ARL15: variants seen among roughly 807,000 people sequenced by gnomAD.
The protein encoded by ARL15 is ARF like GTPase 15.
ARL15 carries 19 observed loss-of-function variants against 25.2 expected under a neutral mutation model. The observed-to-expected ratio is 0.75, with a 90% CI of 0.53 to 1.10. ARL15 has a LOEUF of 1.10. Ranked by LOEUF, ARL15 falls within the 50% of genes least tolerant of loss-of-function variation. The pLI is 0.00. For synonymous variants in ARL15, 94 were observed against 86.8 expected (o/e 1.08, Z -0.46); for missense variants, 220 against 246.0 (o/e 0.89, Z 0.71).
intron 4 of ARL15, 25 bp downstream of exon 4, chr5:54,113,177 G>C: frequency 2.5e-6 from 4 of 1,608,214 alleles, no homozygotes; most frequent in African/African-American, 1.3e-5. Context: ...GGAAGACAAA[G>C]AGTTGTCATG....
intron 1 of ARL15, among the ~76,000 whole-genome samples, chr5:54,224,877 G>C (rs142676298): frequency 7.6e-4 from 116 of 152,302 alleles, no homozygotes; most frequent in African/African-American, 2.7e-3. Flanking sequence ...AATATGTGCA[G>C]TTAATGTACA....
At chr5:54,250,116 A>AG (rs1174100967) in intron 1 of ARL15, among the ~76,000 whole-genome samples, 1 of 152,174 alleles carries the variant, frequency 6.6e-6, no homozygotes, top group Non-Finnish European at 1.5e-5. Context: ...GCAGAAGGCT[A>AG]GCAGGGAGCA....
chr5:54,054,534 T>C (rs1750798953), intron 4 of ARL15, among the ~76,000 whole-genome samples: 1 of 152,252 alleles, frequency 6.6e-6, no homozygotes, highest in Admixed American at 6.5e-5. Context: ...CTCATGCCTG[T>C]AATCCCAGCA....
At chr5:54,298,776 C>G (rs1480686258) in intron 1 of ARL15, among the ~76,000 whole-genome samples, 1 of 152,036 alleles carries the variant, frequency 6.6e-6, no homozygotes, top group Non-Finnish European at 1.5e-5. Context: ...AAATTGGCCA[C>G]TTTTTCCTGG....
intron 3 of ARL15, among the ~76,000 whole-genome samples, chr5:54,138,532 C>T (rs1279723690): frequency 6.6e-6 from 1 of 152,080 alleles, no homozygotes; most frequent in Non-Finnish European, 1.5e-5. Flanking sequence ...AAGATGGATC[C>T]AGACATAAAT....
At chr5:54,227,550 T>G (rs1286458811) in intron 1 of ARL15, among the ~76,000 whole-genome samples, 1 of 152,154 alleles carries the variant, frequency 6.6e-6, no homozygotes, top group African/African-American at 2.4e-5. Flanking sequence ...AATTTAGCCC[T>G]TTCCACTAAA....
intron 3 of ARL15, among the ~76,000 whole-genome samples, chr5:54,128,703 A>G (rs1753337696): frequency 7.8e-6 from 1 of 128,482 alleles, no homozygotes; most frequent in African/African-American, 2.8e-5. Context: ...TATTATTTTG[A>G]TTCTTTTTTT....
intron 4 of ARL15, among the ~76,000 whole-genome samples, chr5:53,898,891 C>CAA (rs1262968468): frequency 6.6e-6 from 1 of 152,036 alleles, no homozygotes; most frequent in Non-Finnish European, 1.5e-5. Flanking sequence ...TGGGCTCAAG[C>CAA]AATCCTCCTC....
intron 4 of ARL15, among the ~76,000 whole-genome samples, chr5:54,058,075 G>A (rs948165966): frequency 6.6e-6 from 1 of 150,554 alleles, no homozygotes; most frequent in South Asian, 2.1e-4. Context: ...GCGCGATCTC[G>A]GCTCACTGCA....
intron 4 of ARL15, among the ~76,000 whole-genome samples, chr5:54,098,257 G>A (rs1752342813): frequency 6.6e-6 from 1 of 152,122 alleles, no homozygotes; most frequent in African/African-American, 2.4e-5. Context: ...GATTTTCAAT[G>A]CTGCAATTTA....
intron 1 of ARL15, among the ~76,000 whole-genome samples, chr5:54,203,785 G>T (rs1239971995): frequency 6.6e-6 from 1 of 152,124 alleles, no homozygotes; most frequent in South Asian, 2.1e-4. Context: ...AATCCAAAGT[G>T]AACTGAGGAA....
intron 1 of ARL15, among the ~76,000 whole-genome samples, chr5:54,255,000 A>G (rs1286080047): frequency 6.6e-6 from 1 of 152,174 alleles, no homozygotes; most frequent in East Asian, 1.9e-4. Flanking sequence ...ATGTTTTTCT[A>G]TCACGCCTGT....
At chr5:54,052,688 T>C (rs541618028) in intron 4 of ARL15, among the ~76,000 whole-genome samples, 1 of 152,238 alleles carries the variant, frequency 6.6e-6, no homozygotes, top group South Asian at 2.1e-4. Flanking sequence ...TAGTTTAATA[T>C]ACAGAGGATT....
intron 3 of ARL15, among the ~76,000 whole-genome samples, chr5:54,143,677 T>G (rs1042939021): frequency 1.5e-4 from 23 of 151,988 alleles, no homozygotes; most frequent in Admixed American, 1.5e-3. Context: ...TCTTTGCTTT[T>G]TGTCCTTACA....
At chr5:54,256,018 A>G (rs1268814417) in intron 1 of ARL15, among the ~76,000 whole-genome samples, 3 of 152,124 alleles carry the variant, frequency 2.0e-5, no homozygotes, top group Admixed American at 6.5e-5. Flanking sequence ...AACTAGAGAC[A>G]AAAGAAAACA....
chr5:54,178,488 G>A (rs1754951726), intron 1 of ARL15, among the ~76,000 whole-genome samples: 1 of 152,162 alleles, frequency 6.6e-6, no homozygotes, highest in African/African-American at 2.4e-5. Context: ...GCCCAAGGGT[G>A]AGGCCAAGGA....
intron 4 of ARL15, among the ~76,000 whole-genome samples, chr5:53,904,042 G>A (rs1379714242): frequency 6.6e-6 from 1 of 152,140 alleles, no homozygotes; most frequent in African/African-American, 2.4e-5. Context: ...CTAAAGGAGG[G>A]ACAGAAGGCA....
At chr5:54,045,767 C>G (rs192562518) in intron 4 of ARL15, among the ~76,000 whole-genome samples, 1 of 152,170 alleles carries the variant, frequency 6.6e-6, no homozygotes, top group Non-Finnish European at 1.5e-5. Context: ...CATTTACCCC[C>G]CAGTCAACAG....
At chr5:53,969,191 A>T (rs925340654) in intron 4 of ARL15, among the ~76,000 whole-genome samples, 2 of 152,162 alleles carry the variant, frequency 1.3e-5, no homozygotes, top group African/African-American at 4.8e-5. Context: ...GAAAAGGCAC[A>T]TACATGCTAG....
Sources: allele counts gnomAD v4.1 joint callset (sites outside exome capture counted in the v4.1 genomes callset), GRCh38; gene constraint gnomAD v4.1.1; transcripts MANE v1.5; gene names NCBI Gene and HGNC (gene_info 2026-07-23, HGNC 2026-07-21).